ZSCAN5A: variants seen among roughly 807,000 people sequenced by gnomAD.
The protein encoded by ZSCAN5A is zinc finger and SCAN domain containing 5A.
ZSCAN5A carries 12 observed loss-of-function variants against 23.7 expected under a neutral mutation model. That is an observed-to-expected ratio of 0.51 (90% CI 0.32 to 0.82). ZSCAN5A has a LOEUF of 0.82. Among genes scored for constraint, ZSCAN5A ranks in the 40% least tolerant of loss-of-function variants. ZSCAN5A has a pLI of 0.03. For missense variants in ZSCAN5A, 597 were observed against 617.9 expected (o/e 0.97, Z 0.36); for synonymous variants, 257 against 239.9 (o/e 1.07, Z -0.66).
intron 2 of ZSCAN5A, chr19:56,244,124 T>C (rs2035659018): frequency 6.4e-7 from 1 of 1,573,018 alleles, no homozygotes; most frequent in South Asian, 1.1e-5. Flanking sequence ...GTCTGTGGCT[T>C]CCCCAGAAAC....
chr19:56,359,308 AAATC>A (rs2147467170), intron 2 of ZSCAN5A, among the ~76,000 whole-genome samples: 1 of 152,350 alleles, frequency 6.6e-6, no homozygotes, highest in South Asian at 2.1e-4. Flanking sequence ...ACTTCTATGC[AAATC>A]AATCAGAAAC....
At chr19:56,286,984 G>GTGTGGT (rs2039174360) in intron 2 of ZSCAN5A, among the ~76,000 whole-genome samples, 1 of 152,260 alleles carries the variant, frequency 6.6e-6, no homozygotes, top group South Asian at 2.1e-4. Context: ...GCACTGCACA[G>GTGTGGT]TGTGGTTGTG....
chr19:56,291,111 A>G (rs1600202580), intron 2 of ZSCAN5A, among the ~76,000 whole-genome samples: 1 of 152,198 alleles, frequency 6.6e-6, no homozygotes, highest in South Asian at 2.1e-4. Context: ...AGCCCTTGGC[A>G]TATCACGTCC....
chr19:56,260,552 T>TC (rs1002266690), intron 2 of ZSCAN5A, among the ~76,000 whole-genome samples: 7 of 152,106 alleles, frequency 4.6e-5, no homozygotes, highest in African/African-American at 1.4e-4. Flanking sequence ...TTCTTTTTTT[T>TC]CCCTCTGGTG....
intron 2 of ZSCAN5A, among the ~76,000 whole-genome samples, chr19:56,265,332 A>G (rs769112876): frequency 2.0e-5 from 3 of 148,980 alleles, no homozygotes; most frequent in Non-Finnish European, 3.0e-5. Flanking sequence ...CTTGAATACC[A>G]TTTCAACAAA....
At chr19:56,344,290 T>TA (rs2041615105) in intron 2 of ZSCAN5A, among the ~76,000 whole-genome samples, 2 of 152,260 alleles carry the variant, frequency 1.3e-5, no homozygotes, top group South Asian at 4.1e-4. Context: ...GATTAGAAGT[T>TA]ACGGTAATGT....
chr19:56,320,265 C>G, intron 2 of ZSCAN5A: 1 of 480,896 alleles, frequency 2.1e-6, no homozygotes, highest in Admixed American at 2.7e-5. Flanking sequence ...CTCTGCTGCC[C>G]GGACATTTAG....
At chr19:56,316,981 C>T (rs748970778), upstream of ZSCAN5A, among the ~76,000 whole-genome samples, 2 of 152,140 alleles carry the variant, frequency 1.3e-5, no homozygotes, top group Non-Finnish European at 2.9e-5. Context: ...GGACTACAGG[C>T]GCATGCCACC....
rs190241051 is a variant in ZSCAN5A, at chr19:56,361,973, C to T, written c.-358+1262G>A. 2.2e-4 allele frequency among the ~76,000 whole-genome samples: 34 copies of T among 151,378 alleles called. No individual in the cohort carries two copies. In the South Asian group the frequency reaches 4.6e-3, roughly 21 times the overall value. The stretch of plus-strand genomic sequence containing the variant: ...GAGATCGAGACCATCCTGGCTAACA[C>T]GGTGAAACCCCATCTCTATTAAAAA... On this transcript the variant is annotated intron_variant, in intron 2 of 6. Coordinates refer to the ZSCAN5A transcript ENST00000587340.
chr19:56,256,219 G>T (rs961988972), intron 2 of ZSCAN5A, among the ~76,000 whole-genome samples: 9 of 152,178 alleles, frequency 5.9e-5, no homozygotes, highest in Middle Eastern at 6.3e-3. Context: ...TTGAGACAGG[G>T]TCTTACTCTG....
intron 2 of ZSCAN5A, among the ~76,000 whole-genome samples, chr19:56,267,131 A>G (rs2037534515): frequency 6.6e-6 from 1 of 152,016 alleles, no homozygotes; most frequent in Non-Finnish European, 1.5e-5. Flanking sequence ...TCTCCTGACA[A>G]CTCTAGCTAC....
intron 2 of ZSCAN5A, chr19:56,320,865 C>A (rs2041368310): frequency 5.2e-6 from 4 of 771,570 alleles, no homozygotes; most frequent in Non-Finnish European, 7.3e-6. Context: ...TAATCCTGGA[C>A]AAGCTTCATG....
chr19:56,230,381 G>A (rs1418488320), intron 2 of ZSCAN5A, among the ~76,000 whole-genome samples: 2 of 152,102 alleles, frequency 1.3e-5, no homozygotes, highest in East Asian at 3.9e-4. Context: ...ACCATACCCG[G>A]CCCCAACATA....
chr19:56,311,044 C>T (rs7252603), intron 2 of ZSCAN5A, among the ~76,000 whole-genome samples: 73,058 of 151,972 alleles, frequency 0.48, 17,785 homozygotes, highest in Middle Eastern at 0.66. Context: ...TGTTTTAAAA[C>T]ATAAAATTGT....
At chr19:56,328,797 C>T (rs1309119854) in intron 2 of ZSCAN5A, among the ~76,000 whole-genome samples, 5 of 147,422 alleles carry the variant, frequency 3.4e-5, no homozygotes, top group Admixed American at 6.8e-5. Flanking sequence ...GTCAGGAGAT[C>T]GAGACCACGG....
rs2041669377 is a variant in ZSCAN5A, at chr19:56,351,839, C to G, written c.-358+11396G>C. Among the ~76,000 whole-genome samples, 1 of 152,152 alleles carries G rather than the reference C, an allele frequency of 6.6e-6. No individual in the cohort carries two copies. The highest frequency in any genetic ancestry group is 1.5e-5 in the Non-Finnish European group (1 of 68,036). On this transcript the variant is annotated intron_variant, in intron 2 of 6. Coordinates refer to the ZSCAN5A transcript ENST00000587340. This position sits in a 1 kb window ranked among gnomAD's most constrained non-coding sequence, Gnocchi z 4.8. Reference sequence around the variant, plus strand: ...TGCAGCGAATACGAACCTGGGAAGACTGTGGTGTTTCTTTAGATGGCTGGT... The same window carrying G: ...TGCAGCGAATACGAACCTGGGAAGAGTGTGGTGTTTCTTTAGATGGCTGGT...
At chr19:56,274,537 G>GA (rs2038108721) in intron 2 of ZSCAN5A, 1 of 151,478 alleles carries the variant, frequency 6.6e-6, no homozygotes, top group Non-Finnish European at 1.5e-5. Flanking sequence ...TTAGACTTGA[G>GA]GAAAAGTCAC....
At chr19:56,314,885 G>T (rs879612323), upstream of ZSCAN5A, 1 of 152,252 alleles carries the variant, frequency 6.6e-6, no homozygotes. Context: ...CGGGGCGGGG[G>T]TCGCAACTCC....
At chr19:56,248,909 G>C (rs1249563933) in intron 2 of ZSCAN5A, among the ~76,000 whole-genome samples, 1 of 152,094 alleles carries the variant, frequency 6.6e-6, no homozygotes, top group Non-Finnish European at 1.5e-5. Flanking sequence ...CAGAGTCCAT[G>C]GTGTTCATTA....
Sources: allele counts gnomAD v4.1 joint callset (sites outside exome capture counted in the v4.1 genomes callset), GRCh38; gene constraint gnomAD v4.1.1; non-coding constraint Gnocchi (gnomAD v3.1); transcripts MANE v1.5; gene names NCBI Gene and HGNC (gene_info 2026-07-23, HGNC 2026-07-21).